The following INPP4A variants were observed in gnomAD, a reference collection of about 807,000 sequenced individuals.
The protein encoded by INPP4A is inositol polyphosphate-4-phosphatase type I A.
INPP4A carries 33 observed loss-of-function variants against 119.8 expected under a neutral mutation model. The observed-to-expected ratio is 0.28, with a 90% CI of 0.21 to 0.37. INPP4A has a LOEUF of 0.37. Ranked by LOEUF, INPP4A falls within the 10% of genes least tolerant of loss-of-function variation. INPP4A has a pLI of 1.00. For synonymous variants in INPP4A, 496 were observed against 500.7 expected (o/e 0.99, Z 0.12); for missense variants, 956 against 1,289.9 (o/e 0.74, Z 3.97).
At chr2:98,449,650 A>T (rs2104427479) in intron 1 of INPP4A, among the ~76,000 whole-genome samples, 1 of 152,338 alleles carries the variant, frequency 6.6e-6, no homozygotes, top group South Asian at 2.1e-4. Context: ...AGATGTAGGC[A>T]CTATGTATTC....
intron 11 of INPP4A, among the ~76,000 whole-genome samples, chr2:98,544,244 T>C (rs1393033851): frequency 6.6e-6 from 1 of 152,234 alleles, no homozygotes; most frequent in Non-Finnish European, 1.5e-5. Context: ...AATCTGTGAA[T>C]TGCAGTGAAG....
chr2:98,546,803 T>G lies in INPP4A; in HGVS notation c.1163+109T>G. On this transcript the variant is annotated intron_variant, in intron 13 of 24. Transcript: ENST00000409851. This position sits in a 1 kb window ranked among gnomAD's most constrained non-coding sequence, Gnocchi z 4.2. ...CGCAAAAACACCCAGCCATCTGATC[T>G]GCTTTTGCGTGGCAGGAGGATCTGC... 1 of 705,408 alleles carries G rather than the reference T, an allele frequency of 1.4e-6. No homozygotes were observed. The highest frequency in any genetic ancestry group is 1.7e-5 in the South Asian group (1 of 59,758). The allele number at this position is 705,408 out of a possible 1,614,324, so 43.7% of individuals were successfully genotyped here. A position where few individuals can be genotyped will look rare whatever the true frequency, so the allele number is the denominator to read the frequency against.
At chr2:98,562,547 A>G (rs150163054) in intron 17 of INPP4A, among the ~76,000 whole-genome samples, 224 of 152,290 alleles carry the variant, frequency 1.5e-3, no homozygotes, top group African/African-American at 5.1e-3. Flanking sequence ...CCTAAGGGGC[A>G]TGTACTGCCT....
intron 1 of INPP4A, among the ~76,000 whole-genome samples, chr2:98,493,848 A>C: frequency 6.6e-6 from 1 of 152,218 alleles, no homozygotes; most frequent in East Asian, 1.9e-4. Flanking sequence ...AAGAATAAAG[A>C]AATTAAGATT....
chr2:98,566,119 G>A lies in INPP4A; in HGVS notation c.2370G>A (p.Gln790=), dbSNP rs765569774. 9.4e-6 allele frequency: 15 copies of A among 1,598,956 alleles called. No individual in the cohort carries two copies. The South Asian group carries it at 1.6e-4, about 17-fold the overall frequency. The change falls in exon 21 of 25, where the codon CAG becomes CAA. Residue 790 remains glutamine, a synonymous_variant. Transcript: ENST00000409851. The surrounding 1 kb of genome is among the most constrained non-coding windows in gnomAD (Gnocchi z 4.2). The part of the protein sequence containing the change: ...EIQSGMLLRV[Q]PVLFNVGINE... ...AGAGTGGCATGCTGCTGCGAGTGCA[G>A]CCCGTCCTCTTCAACGTGGGCATCA...
chr2:98,561,741 A>T (rs905588811), intron 17 of INPP4A, among the ~76,000 whole-genome samples: 15 of 152,260 alleles, frequency 9.9e-5, no homozygotes, highest in African/African-American at 3.6e-4. Flanking sequence ...TTTTCATGAT[A>T]TGCATGACAG....
In INPP4A at chr2:98,590,364, C is replaced by G. The variant is rs571125404; in HGVS notation, c.*2756C>G. 3.2e-4 allele frequency: 60 copies of G among 187,506 alleles called. No homozygotes were observed. The highest frequency in any genetic ancestry group is 1.4e-3 in the African/African-American group (59 of 42,940). 11.6% of individuals were successfully genotyped at this position (187,506 alleles called of 1,614,324 possible). A position where few individuals can be genotyped will look rare whatever the true frequency, so the allele number is the denominator to read the frequency against. ...ACAGCGTTGAGGTTAAGAGCACGGA[C>G]TTTGGGAGCACACAGACCAGGTCCC... On this transcript the variant is annotated 3_prime_UTR_variant, in exon 25 of 25. Transcript: ENST00000409851.
Position 98,568,620 on chromosome 2 carries a change from C to T in INPP4A, c.2470C>T (p.Arg824Trp), listed in dbSNP as rs764302181. 21 of 1,604,136 alleles carry T rather than the reference C, an allele frequency of 1.3e-5. No individual in the cohort carries two copies. Among genetic ancestry groups the T allele is most frequent in the African/African-American group, 8.0e-5 (6 of 74,830 alleles). The change falls in exon 22 of 25, where the codon CGG becomes TGG. Residue 824 changes from arginine (R) to tryptophan (W), a missense_variant. Around this residue, in one of 2 missense-constraint regions of INPP4A, gnomAD observed 304 missense variants for 492.1 expected, o/e 0.62. Coordinates refer to ENST00000409851, the MANE Select transcript of INPP4A (RefSeq NM_001134225.2). ...QEVINVESLVRLNSYFEQFKE... is the reference protein window; with the variant it reads ...QEVINVESLVWLNSYFEQFKE... ...AGTCATCAACGTGGAGAGTTTGGTG[C>T]GGTTAAATTCCTACTTTGAGCAGTT...
At chr2:98,457,998 T>A (rs1405043645) in intron 1 of INPP4A, among the ~76,000 whole-genome samples, 1 of 150,260 alleles carries the variant, frequency 6.7e-6, no homozygotes, top group Non-Finnish European at 1.5e-5. Context: ...TTTTTTTTTT[T>A]TGTTTAAATG....
chr2:98,546,754 TTTAAAATAAAA>T lies in INPP4A; in HGVS notation c.1163+62_1163+72del. On this transcript the variant is annotated intron_variant, in intron 13 of 24. Coordinates refer to ENST00000409851, the MANE Select transcript of INPP4A (RefSeq NM_001134225.2). This position sits in a 1 kb window ranked among gnomAD's most constrained non-coding sequence, Gnocchi z 4.2. The stretch of plus-strand genomic sequence containing the variant: ...AGCTTTCTGATGCTTCTTTTCTCAG[TTTAAAATAAAA>T]TCAAAATATGACCGCAAAAACACCC... 9.1e-7 allele frequency: 1 copy of T among 1,093,592 alleles called. No homozygotes were observed. The highest frequency in any genetic ancestry group is 1.3e-5 in the South Asian group (1 of 76,180). 67.7% of individuals were successfully genotyped at this position (1,093,592 alleles called of 1,614,324 possible). A position where few individuals can be genotyped will look rare whatever the true frequency, so the allele number is the denominator to read the frequency against.
rs1365952258 is a variant in INPP4A, at chr2:98,569,052, GA to G, written c.2518+385del. On this transcript the variant is annotated intron_variant, in intron 22 of 24. Coordinates refer to ENST00000409851, the MANE Select transcript of INPP4A (RefSeq NM_001134225.2). The surrounding 1 kb of genome is among the most constrained non-coding windows in gnomAD (Gnocchi z 5.1). ...TCCCTTTGTGGTGCTTAGAGAGGAA[GA>G]TGCGGGGCCAACATTGCTGGGTGTT... 2 of 173,506 alleles carry G rather than the reference GA, an allele frequency of 1.2e-5. No individual in the cohort carries two copies. The highest frequency in any genetic ancestry group is 2.5e-5 in the Non-Finnish European group (2 of 80,906). 10.7% of individuals were successfully genotyped at this position (173,506 alleles called of 1,614,324 possible). A position where few individuals can be genotyped will look rare whatever the true frequency, so the allele number is the denominator to read the frequency against.
rs1696350404 is a variant in INPP4A at position 98,565,945 on chromosome 2, A to T, written c.2280-84A>T. ...GTGGTTGGCAGTTTGGCCATCACTA[A>T]GCCAGAGGGCCAGCCTGGGCACTGC... On this transcript the variant is annotated intron_variant, in intron 20 of 24. Transcript: ENST00000409851. The T allele has an allele frequency of 4.6e-6, 7 of 1,521,834 alleles. No homozygotes were observed. In the South Asian group the frequency reaches 7.4e-5, roughly 16 times the overall value. 94.3% of individuals were successfully genotyped at this position (1,521,834 alleles called of 1,614,324 possible).
intron 24 of INPP4A, chr2:98,581,546 T>C (rs1699310876): frequency 1.3e-6 from 2 of 1,495,378 alleles, no homozygotes; most frequent in Non-Finnish European, 1.8e-6. Flanking sequence ...TTTTCCTTTT[T>C]CTTTCTCCCA....
chr2:98,570,106 G>A lies in INPP4A; in HGVS notation c.2518+1438G>A, dbSNP rs1033101619. Among the ~76,000 whole-genome samples the A allele has an allele frequency of 1.3e-5, 2 of 152,132 alleles. No individual in the cohort carries two copies. The highest frequency in any genetic ancestry group is 2.9e-5 in the Non-Finnish European group (2 of 68,032). ...TCTGGGCAAGGACGCTGGAGTTGCC[G>A]GCAACAGCTGGGGCCGTCCCGCTGA... On this transcript the variant is annotated intron_variant, in intron 22 of 24. Transcript: ENST00000409851. The surrounding 1 kb of genome is among the most constrained non-coding windows in gnomAD (Gnocchi z 4.3).
intron 13 of INPP4A, among the ~76,000 whole-genome samples, chr2:98,551,341 A>T (rs1234637153): frequency 6.6e-6 from 1 of 152,140 alleles, no homozygotes; most frequent in African/African-American, 2.4e-5. Flanking sequence ...GTGATTGCAG[A>T]TTGGAAAGTA....
chr2:98,560,379 G>T (rs1200873831), intron 17 of INPP4A, among the ~76,000 whole-genome samples: 1 of 152,180 alleles, frequency 6.6e-6, no homozygotes, highest in Non-Finnish European at 1.5e-5. Context: ...CTATTCCTGT[G>T]CATTGCTAGT....
intron 1 of INPP4A, among the ~76,000 whole-genome samples, chr2:98,464,074 T>G (rs138923181): frequency 1.6e-4 from 25 of 152,312 alleles, no homozygotes; most frequent in African/African-American, 5.8e-4. Context: ...TTCTTTTTCT[T>G]CATTTTTTCT....
At chr2:98,496,892 T>C (rs1682086744) in intron 1 of INPP4A, among the ~76,000 whole-genome samples, 2 of 152,248 alleles carry the variant, frequency 1.3e-5, no homozygotes, top group Admixed American at 1.3e-4. Flanking sequence ...ATCTGCTTTA[T>C]GACCTTGAGC....
rs553813258 is a variant in INPP4A at position 98,559,256 on chromosome 2, A to G, written c.1823-207A>G. Reference sequence around the variant, plus strand: ...GCTGGGGAATCTGTCATTGTTTACCACTGAGAGGGCTTGGCTGCCTTGGAG... The same window carrying G: ...GCTGGGGAATCTGTCATTGTTTACCGCTGAGAGGGCTTGGCTGCCTTGGAG... On this transcript the variant is annotated intron_variant, in intron 16 of 24. Coordinates refer to ENST00000409851, the MANE Select transcript of INPP4A (RefSeq NM_001134225.2). Among the ~76,000 whole-genome samples, 30 of 152,316 alleles carry G rather than the reference A, an allele frequency of 2.0e-4. No homozygotes were observed. The South Asian group carries it at 3.9e-3, about 20-fold the overall frequency.
Sources: gnomAD v4.1 joint callset for allele counts (sites outside exome capture counted in the v4.1 genomes callset) on GRCh38, gnomAD v4.1.1 for gene constraint, gnomAD v4.1.1 regional missense constraint, Gnocchi (gnomAD v3.1) non-coding constraint, MANE v1.5 for transcripts, NCBI Gene and HGNC (gene_info 2026-07-23, HGNC 2026-07-21) for gene names.